Variants in ADGRL3 observed in about 807,000 individuals in gnomAD.
The protein encoded by ADGRL3 is calcium-independent alpha-latrotoxin receptor 3.
In ADGRL3, 62 loss-of-function variants were observed where a neutral mutation model predicts 153.5. That is an observed-to-expected ratio of 0.40 (90% confidence interval 0.33 to 0.50). The LOEUF (loss-of-function observed/expected upper bound fraction) is 0.50. Among genes scored for constraint, ADGRL3 ranks in the 20% least tolerant of loss-of-function variants. The pLI, the probability that ADGRL3 is intolerant of heterozygous loss-of-function variation, is 0.47. For missense variants in ADGRL3, 1,641 were observed against 1,859.4 expected, an observed-to-expected ratio of 0.88 and a Z score of 2.16; for synonymous variants, 710 against 672.5, an observed-to-expected ratio of 1.06 and a Z score of -0.86.
chr4:61,464,784 C>G (rs537615989), intron 2 of ADGRL3, among the ~76,000 whole-genome samples: 6 of 152,150 alleles, frequency 3.9e-5, no homozygotes, highest in Admixed American at 3.3e-4. Flanking sequence ...ATTATCTGTT[C>G]CCCAGAAAAT....
chr4:61,655,380 A>G (rs2094414398), intron 5 of ADGRL3, among the ~76,000 whole-genome samples: 1 of 152,192 alleles, frequency 6.6e-6, no homozygotes, highest in Non-Finnish European at 1.5e-5. Context: ...AAGCACTTTA[A>G]TAAAAGCAAA....
chr4:61,895,600 G>A (rs1262106295), intron 10 of ADGRL3, 131 bp from the exon 11 acceptor site: 2 of 549,354 alleles, frequency 3.6e-6, no homozygotes, highest in East Asian at 3.1e-5. Flanking sequence ...TACTGGCACT[G>A]TATCTGGTGT....
chr4:61,369,047 T>C (rs375072839), intron 1 of ADGRL3, among the ~76,000 whole-genome samples: 1 of 152,320 alleles, frequency 6.6e-6, no homozygotes, highest in Admixed American at 6.5e-5. Context: ...TGTTGGTGTA[T>C]AGGAATGCTT....
rs778363406 is a variant in ADGRL3, at chr4:61,983,484, G to A, written c.3117G>A (p.Glu1039=). Residue 1039 remains glutamate, a synonymous_variant, in exon 19 of 27, where the codon GAG becomes GAA. Transcript: ENST00000683033. ...TGCAGCTTTATATCATGCTGGTGGA[G>A]GTTTTTGAGAGTGAACATTCACGTA... ...EGVQLYIMLV[E]VFESEHSRRK... 1.9e-6 allele frequency: 3 copies of A among 1,613,930 alleles called. No individual in the cohort carries two copies. Among genetic ancestry groups the A allele is most frequent in the Non-Finnish European group, 2.5e-6 (3 of 1,179,864 alleles).
At chr4:61,994,559 A>G (rs1202610115) in intron 19 of ADGRL3, among the ~76,000 whole-genome samples, 1 of 152,084 alleles carries the variant, frequency 6.6e-6, no homozygotes, top group Non-Finnish European at 1.5e-5. Context: ...GTTATAGCAA[A>G]GTAAAGGAAG....
intron 25 of ADGRL3, among the ~76,000 whole-genome samples, chr4:62,064,317 C>A (rs1741787818): frequency 6.7e-6 from 1 of 149,696 alleles, no homozygotes; most frequent in African/African-American, 2.5e-5. Context: ...GAAAATGATC[C>A]AAAAATTAAT....
intron 2 of ADGRL3, among the ~76,000 whole-genome samples, chr4:61,423,935 G>C (rs1326118899): frequency 6.6e-6 from 1 of 152,094 alleles, no homozygotes; most frequent in Non-Finnish European, 1.5e-5. Context: ...AGAAAATGAA[G>C]AGTGAGTGAA....
intron 1 of ADGRL3, among the ~76,000 whole-genome samples, chr4:61,342,598 G>A (rs1268951611): frequency 6.6e-5 from 10 of 151,944 alleles, no homozygotes; most frequent in Admixed American, 2.6e-4. Context: ...GACAAGCCGT[G>A]CTCTTTTGAG....
At chr4:61,301,334 T>G (rs1027106452) in intron 1 of ADGRL3, among the ~76,000 whole-genome samples, 1 of 152,212 alleles carries the variant, frequency 6.6e-6, no homozygotes, top group Non-Finnish European at 1.5e-5. Context: ...ATTGGGAATT[T>G]AAAATATCAC....
intron 13 of ADGRL3, among the ~76,000 whole-genome samples, chr4:61,916,850 G>A (rs2098747213): frequency 6.6e-6 from 1 of 151,986 alleles, no homozygotes; most frequent in African/African-American, 2.4e-5. Flanking sequence ...CTACTCAGAA[G>A]GCTGAGGCAG....
At chr4:61,880,496 A>T (rs2098502679) in intron 9 of ADGRL3, among the ~76,000 whole-genome samples, 2 of 152,218 alleles carry the variant, frequency 1.3e-5, no homozygotes, top group South Asian at 4.1e-4. Context: ...ACATAGTAGT[A>T]TACATAGATC....
intron 21 of ADGRL3, among the ~76,000 whole-genome samples, chr4:62,002,215 T>A (rs1484521123): frequency 6.7e-6 from 1 of 149,268 alleles, no homozygotes; most frequent in Non-Finnish European, 1.5e-5. Flanking sequence ...TACTCTTAAC[T>A]GAAGGTCGGA....
At chr4:61,619,094 G>C (rs2149801118) in intron 5 of ADGRL3, among the ~76,000 whole-genome samples, 1 of 152,238 alleles carries the variant, frequency 6.6e-6, no homozygotes, top group Admixed American at 6.5e-5. Context: ...TCTTGTAGAA[G>C]GCAAGTCACA....
chr4:61,642,019 G>T (rs1363702625), intron 5 of ADGRL3, among the ~76,000 whole-genome samples: 1 of 150,596 alleles, frequency 6.6e-6, no homozygotes, highest in Non-Finnish European at 1.5e-5. Context: ...GTTTTGATTT[G>T]CATTTCTCTG....
intron 4 of ADGRL3, among the ~76,000 whole-genome samples, chr4:61,533,536 T>G (rs1217368995): frequency 6.6e-6 from 1 of 152,180 alleles, no homozygotes; most frequent in African/African-American, 2.4e-5. Context: ...CCTCAGTAAC[T>G]AGAAGATAAA....
chr4:61,581,964 T>C (rs1264844998), intron 4 of ADGRL3, among the ~76,000 whole-genome samples: 2 of 152,122 alleles, frequency 1.3e-5, no homozygotes, highest in Non-Finnish European at 2.9e-5. Context: ...ATTGATTCTT[T>C]TGTAAAAAAT....
chr4:61,503,213 AT>A (rs555605843), intron 3 of ADGRL3, among the ~76,000 whole-genome samples: 156 of 147,894 alleles, frequency 1.1e-3, no homozygotes, highest in African/African-American at 2.0e-3. Flanking sequence ...TTGGAAAATA[AT>A]TTTTTTTTTT....
At chr4:61,728,077 A>G (rs893285518) in intron 6 of ADGRL3, among the ~76,000 whole-genome samples, 1 of 152,132 alleles carries the variant, frequency 6.6e-6, no homozygotes, top group Non-Finnish European at 1.5e-5. Flanking sequence ...CTTTTCAATG[A>G]CAAATTATGT....
At chr4:61,355,861 G>C (rs2151402708) in intron 1 of ADGRL3, among the ~76,000 whole-genome samples, 1 of 152,094 alleles carries the variant, frequency 6.6e-6, no homozygotes, top group South Asian at 2.1e-4. Flanking sequence ...TAGTCTTTTG[G>C]CTTCACAGAT....
Sources: allele counts gnomAD v4.1 joint callset (sites outside exome capture counted in the v4.1 genomes callset), GRCh38; gene constraint gnomAD v4.1.1; transcripts MANE v1.5; gene names NCBI Gene and HGNC (gene_info 2026-07-23, HGNC 2026-07-21).